TLN1: variants seen among roughly 807,000 people sequenced by gnomAD.
TLN1 encodes the protein talin-1.
Under a neutral mutation model 292.3 loss-of-function variants are expected in TLN1, and 56 were observed. The ratio of observed to expected loss-of-function variants is 0.19; its 90% CI spans 0.15 to 0.24. TLN1 has a LOEUF of 0.24. Among genes scored for constraint, TLN1 ranks in the 10% least tolerant of loss-of-function variants. The probability of loss-of-function intolerance (pLI) is 1.00; values close to 1 mark genes in which losing one functional copy is unlikely to be tolerated. For missense variants in TLN1, 2,433 were observed against 3,248.2 expected (o/e 0.75, Z 6.10); for synonymous variants, 1,119 against 1,253.7 (o/e 0.89, Z 2.27).
chr9:35,710,139 C>A (rs1164748981), intron 33 of TLN1, among the ~76,000 whole-genome samples: 1 of 141,152 alleles, frequency 7.1e-6, no homozygotes. Flanking sequence ...AGGAGACTAG[C>A]GTGAACCCGG....
intron 33 of TLN1, 136 bp from the exon 34 acceptor site, chr9:35,708,620 AT>A: frequency 2.2e-5 from 18 of 804,048 alleles, no homozygotes; most frequent in East Asian, 3.3e-5. Flanking sequence ...ATGAGTGGAG[AT>A]ACATTAGCAA....
intron 7 of TLN1, chr9:35,723,531 G>A: frequency 4.7e-6 from 1 of 212,702 alleles, no homozygotes; most frequent in Non-Finnish European, 9.5e-6. Flanking sequence ...AGAGGAGAAA[G>A]AGCTTTCTAG....
In TLN1 at chr9:35,704,066, C is replaced by T. The variant is rs769731312; in HGVS notation, c.6156G>A (p.Val2052=). Residue 2052 remains valine (V), a synonymous_variant, in exon 46 of 57, where the codon GTG becomes GTA. Coordinates refer to ENST00000314888, the MANE Select transcript of TLN1 (RefSeq NM_006289.4). The surrounding 1 kb of genome is among the most constrained non-coding windows in gnomAD (Gnocchi z 6.9). ...CATCAGCGAGGCGGGTGATGGTCGC[C>T]ACGGAGGACTGGGCAGCCTGCGCCA... ...EKLAQAAQSS[V]ATITRLADVV... is the part of the protein sequence containing the mutation. 1 of 1,613,876 alleles carries T rather than the reference C, an allele frequency of 6.2e-7. No individual in the cohort carries two copies. The highest frequency in any genetic ancestry group is 2.2e-5 in the East Asian group (1 of 44,886).
chr9:35,707,935 G>A lies in TLN1; in HGVS notation c.4471-43C>T. 6.2e-7 allele frequency: 1 copy of A among 1,606,266 alleles called. No individual in the cohort carries two copies. The highest frequency in any genetic ancestry group is 8.5e-7 in the Non-Finnish European group (1 of 1,174,790). ...AGAGCCACGATGAGGGCAGGAAGGA[G>A]GTGTACATACCCAAGGAGGAGCCAT... On this transcript the variant is annotated intron_variant, in intron 34 of 56. Coordinates refer to ENST00000314888, the MANE Select transcript of TLN1 (RefSeq NM_006289.4). This position sits in a 1 kb window ranked among gnomAD's most constrained non-coding sequence, Gnocchi z 5.6.
chr9:35,725,759 C>T lies in TLN1; in HGVS notation c.-33-32G>A, dbSNP rs1404807921. 13 of 1,588,392 alleles carry T rather than the reference C, an allele frequency of 8.2e-6. No homozygotes were observed. The Admixed American group carries it at 1.2e-4, about 14-fold the overall frequency. On this transcript the variant is annotated intron_variant, in intron 1 of 56. Transcript: ENST00000314888. ...CATGGCATCAGGGCATTAGAATACACTCTTCTGGTGGGAGAAGAGGCCCCC... is the reference window on the plus strand; with the variant it reads ...CATGGCATCAGGGCATTAGAATACATTCTTCTGGTGGGAGAAGAGGCCCCC...
chr9:35,721,622 T>C, intron 10 of TLN1, 26 bp downstream of exon 10: 2 of 1,600,844 alleles, frequency 1.2e-6, no homozygotes, highest in Non-Finnish European at 1.7e-6. Flanking sequence ...CCCAAAGCAC[T>C]TTCTTGTTAT....
intron 32 of TLN1, 48 bp downstream of exon 32, chr9:35,710,749 A>G: frequency 3.7e-6 from 6 of 1,613,730 alleles, no homozygotes; most frequent in South Asian, 2.2e-5. Flanking sequence ...GCATCTGGTT[A>G]GCTCCATCCT....
rs746443104 is a variant in TLN1 at position 35,707,095 on chromosome 9, G to A, written c.4932C>T (p.Ile1644=). The stretch of plus-strand genomic sequence containing the variant: ...ACCTCATGCTTGTAATTAGCTTCTT[G>A]ATGGAGTCTGAGACAGTACGGGAGT... ...AGHSRTVSDS[I]KKLITSMRDK... is the part of the protein sequence containing the mutation. Residue 1644 remains isoleucine (I), a synonymous_variant, in exon 37 of 57, where the codon ATC becomes ATT. Coordinates refer to ENST00000314888, the MANE Select transcript of TLN1 (RefSeq NM_006289.4). This position sits in a 1 kb window ranked among gnomAD's most constrained non-coding sequence, Gnocchi z 5.6. 75 of 1,612,552 alleles carry A rather than the reference G, an allele frequency of 4.7e-5. No individual in the cohort carries two copies. The highest frequency in any genetic ancestry group is 3.6e-4 in the South Asian group (33 of 90,962).
Position 35,714,401 on chromosome 9 carries a change from G to C in TLN1, c.2986-28C>G, listed in dbSNP as rs763254159. The C allele has an allele frequency of 1.3e-6, 2 of 1,595,168 alleles. No individual in the cohort carries two copies. The highest frequency in any genetic ancestry group is 1.7e-6 in the Non-Finnish European group (2 of 1,170,508). ...GTTGGGGAATAGGCAGGTGGATGAA[G>C]TGTGCCATCCTCCCTCTGGGCTTGG... On this transcript the variant is annotated intron_variant, in intron 23 of 56. Coordinates refer to ENST00000314888, the MANE Select transcript of TLN1 (RefSeq NM_006289.4). The surrounding 1 kb of genome is among the most constrained non-coding windows in gnomAD (Gnocchi z 4.6).
chr9:35,702,779 C>T (rs1825488428), intron 48 of TLN1, among the ~76,000 whole-genome samples: 1 of 152,056 alleles, frequency 6.6e-6, no homozygotes, highest in Non-Finnish European at 1.5e-5. Context: ...CCGCTGGCCT[C>T]CCAAAGTGCT....
intron 33 of TLN1, 27 bp from the exon 34 acceptor site, chr9:35,708,511 G>A (rs756592199): frequency 2.6e-6 from 4 of 1,518,362 alleles, no homozygotes; most frequent in South Asian, 2.5e-5. Flanking sequence ...GGGTGGGGGT[G>A]AGGAATAAAG....
intron 48 of TLN1, among the ~76,000 whole-genome samples, chr9:35,700,592 A>G (rs1273899300): frequency 6.6e-6 from 1 of 152,186 alleles, no homozygotes; most frequent in Non-Finnish European, 1.5e-5. Context: ...CTGGGTTTTC[A>G]TTCCCAAAAT....
intron 30 of TLN1, 45 bp from the exon 31 acceptor site, chr9:35,711,127 T>C: frequency 6.2e-7 from 1 of 1,610,740 alleles, no homozygotes; most frequent in Non-Finnish European, 8.5e-7. Flanking sequence ...TAGGTCATCA[T>C]TCCTGGGTCC....
chr9:35,700,103 A>G (rs897970005), intron 49 of TLN1, 22 bp from the exon 50 acceptor site: 27 of 1,602,528 alleles, frequency 1.7e-5, no homozygotes, highest in Non-Finnish European at 2.1e-5. Context: ...GTAATATGTT[A>G]GCTTTAGGCC....
At chr9:35,705,881 AC>A (rs1825556491) in intron 41 of TLN1, 30 bp from the exon 42 acceptor site, 1 of 1,614,048 alleles carries the variant, frequency 6.2e-7, no homozygotes, top group Non-Finnish European at 8.5e-7. Flanking sequence ...AAAGGGAAAG[AC>A]TGTTAGGGTC....
chr9:35,720,646 G>C, intron 11 of TLN1, 137 bp from the exon 12 acceptor site: 1 of 594,946 alleles, frequency 1.7e-6, no homozygotes, highest in Non-Finnish European at 2.4e-6. Flanking sequence ...TTTTTTTTTT[G>C]ACAAGAAAGG....
rs114563371 is a variant in TLN1, at chr9:35,727,005, T to C, written c.-33-1278A>G. On this transcript the variant is annotated intron_variant, in intron 1 of 56. Transcript: ENST00000314888. ...CCACTTCCCCTGACTGTATTTTCAG[T>C]GCAGCTCAGAATACTAGTCCTACCC... Among the ~76,000 whole-genome samples, 619 of 152,350 alleles carry C rather than the reference T, an allele frequency of 4.1e-3. 5 individuals carry two copies. The highest frequency in any genetic ancestry group is 0.014 in the African/African-American group (601 of 41,578).
Position 35,725,282 on chromosome 9 carries a change from T to C in TLN1, c.170A>G (p.Lys57Arg), listed in dbSNP as rs371976092. 6.8e-6 allele frequency: 11 copies of C among 1,614,080 alleles called. No individual in the cohort carries two copies. The highest frequency in any genetic ancestry group is 4.0e-5 in the African/African-American group (3 of 74,922). The change falls in exon 3 of 57, where the codon AAA (lysine) becomes AGA (arginine). Residue 57 changes from lysine to arginine, a missense_variant. Physicochemically the swap from Lys to Arg is conservative, Grantham distance 26. Around this residue, in one of 7 missense-constraint regions of TLN1, gnomAD observed 155 missense variants for 287.9 expected, o/e 0.54. Coordinates refer to ENST00000314888, the MANE Select transcript of TLN1 (RefSeq NM_006289.4). ...FGLFLSDDDP[K>R]KGIWLEAGKA... is the part of the protein sequence containing the mutation. ...CCCAGCCTCCAGCCATATACCCTTT[T>C]TGGGGTCATCATCTGACAGAAAGAG...
chr9:35,722,719 G>A, intron 8 of TLN1, 142 bp downstream of exon 8: 1 of 756,512 alleles, frequency 1.3e-6, no homozygotes, highest in Non-Finnish European at 2.3e-6. Flanking sequence ...TGCTTTCTTG[G>A]CAGAGGTGAG....
Sources: gnomAD v4.1 joint callset for allele counts (sites outside exome capture counted in the v4.1 genomes callset) on GRCh38, gnomAD v4.1.1 for gene constraint, gnomAD v4.1.1 regional missense constraint, Gnocchi (gnomAD v3.1) non-coding constraint, MANE v1.5 for transcripts, NCBI Gene and HGNC (gene_info 2026-07-23, HGNC 2026-07-21) for gene names.